Variants in SLC22A2 observed in about 807,000 individuals in gnomAD.
SLC22A2 encodes the protein organic cation transporter 2.
SLC22A2 carries 46 observed loss-of-function variants against 60.5 expected under a neutral mutation model. The observed-to-expected ratio is 0.76, with a 90% confidence interval of 0.60 to 0.97. The LOEUF is 0.97. Among genes scored for constraint, SLC22A2 ranks in the 50% least tolerant of loss-of-function variants. The pLI is 0.00. For synonymous variants in SLC22A2, 303 were observed against 267.0 expected (o/e 1.13, Z -1.31); for missense variants, 701 against 706.6 (o/e 0.99, Z 0.09).
intron 2 of SLC22A2, 152 bp from the exon 3 acceptor site, chr6:160,250,854 GA>G (rs1229781175): frequency 1.4e-6 from 1 of 737,210 alleles, no homozygotes; most frequent in Non-Finnish European, 2.2e-6. Context: ...GCCACAAAGG[GA>G]ATCTGTGACT....
chr6:160,251,638 G>T lies in SLC22A2; in HGVS notation c.519-936C>A, dbSNP rs373647931. Among the ~76,000 whole-genome samples, 4 of 152,136 alleles carry T rather than the reference G, an allele frequency of 2.6e-5. 1 individual carries two copies. Among genetic ancestry groups the T allele is most frequent in the African/African-American group, 9.6e-5 (4 of 41,488 alleles). ...TAAAAGACACCCTAATCCACTTAGT[G>T]GATATTTAAAAAAATTCTTCACAGA... On this transcript the variant is annotated intron_variant, in intron 2 of 10. Coordinates refer to ENST00000366953, the MANE Select transcript of SLC22A2 (RefSeq NM_003058.4).
At chr6:160,241,706 C>A in intron 8 of SLC22A2, 120 bp from the exon 9 acceptor site, 1 of 617,292 alleles carries the variant, frequency 1.6e-6, no homozygotes. Context: ...ATAGTGTACA[C>A]TGCTCAGGTG....
At position 160,239,865 on chromosome 6, in the gene SLC22A2, A is replaced by C. The variant is rs144079025; in HGVS notation, c.1501+1609T>G. 2.6e-5 allele frequency among the ~76,000 whole-genome samples: 4 copies of C among 152,284 alleles called. No individual in the cohort carries two copies. The East Asian group carries it at 7.7e-4, about 29-fold the overall frequency. On this transcript the variant is annotated intron_variant, in intron 9 of 10. Transcript: ENST00000366953. Reference sequence around the variant, plus strand: ...AATTCATTGCATCTGTTTTGCAGGTAAGTTCCATCAGTGGTTTGGAACTTT... The same window carrying C: ...AATTCATTGCATCTGTTTTGCAGGTCAGTTCCATCAGTGGTTTGGAACTTT...
chr6:160,250,393 A>G (rs1783162675), intron 3 of SLC22A2, 155 bp downstream of exon 3: 1 of 699,480 alleles, frequency 1.4e-6, no homozygotes, highest in South Asian at 1.7e-5. Context: ...GAATGAGTTG[A>G]TATGCTTTTA....
chr6:160,240,423 G>T (rs1275081638), intron 9 of SLC22A2, among the ~76,000 whole-genome samples: 2 of 152,166 alleles, frequency 1.3e-5, no homozygotes, highest in Non-Finnish European at 2.9e-5. Flanking sequence ...AACATTATCA[G>T]TGTGGAATCA....
At chr6:160,227,060 C>T (rs925353140) in intron 9 of SLC22A2, among the ~76,000 whole-genome samples, 1 of 152,122 alleles carries the variant, frequency 6.6e-6, no homozygotes, top group African/African-American at 2.4e-5. Context: ...TATTTCTTTG[C>T]CCTATTTTGA....
chr6:160,250,265 A>G (rs1783160724), intron 3 of SLC22A2, among the ~76,000 whole-genome samples: 1 of 152,176 alleles, frequency 6.6e-6, no homozygotes, highest in Non-Finnish European at 1.5e-5. Flanking sequence ...TTTTCTTTCC[A>G]CACAATACTC....
intron 9 of SLC22A2, among the ~76,000 whole-genome samples, chr6:160,234,420 T>C (rs1562433430): frequency 6.6e-6 from 1 of 152,174 alleles, no homozygotes; most frequent in Non-Finnish European, 1.5e-5. Context: ...AGTGTTACTG[T>C]AATGGGTGGG....
intron 1 of SLC22A2, chr6:160,257,707 T>G (rs1411224125): frequency 6.6e-6 from 1 of 152,232 alleles, no homozygotes; most frequent in African/African-American, 2.4e-5. Context: ...TTAATTCCCC[T>G]ATTTTGCTTT....
At chr6:160,236,055 A>G (rs571297775) in intron 9 of SLC22A2, among the ~76,000 whole-genome samples, 3 of 152,290 alleles carry the variant, frequency 2.0e-5, no homozygotes, top group Non-Finnish European at 4.4e-5. Context: ...TTATTTGTCA[A>G]TTGTGTTTTT....
rs1246313627 is a variant in SLC22A2, at chr6:160,258,769, C to T, written c.-12G>A. ...ACGGTGGTGGGCATGATCCTGCAGG[C>T]AGGAGGGCCCGAGGCTGCCCGACGT... is the stretch of plus-strand genomic sequence containing the variant. On this transcript the variant is annotated 5_prime_UTR_variant, in exon 1 of 11. Coordinates refer to ENST00000366953, the MANE Select transcript of SLC22A2 (RefSeq NM_003058.4). 26 of 1,530,196 alleles carry T rather than the reference C, an allele frequency of 1.7e-5. No homozygotes were observed. The highest frequency in any genetic ancestry group is 2.1e-5 in the Non-Finnish European group (24 of 1,137,654). 94.8% of individuals were successfully genotyped at this position (1,530,196 alleles called of 1,614,324 possible). A position where few individuals can be genotyped will look rare whatever the true frequency, so the allele number is the denominator to read the frequency against.
chr6:160,258,303 C>A, intron 1 of SLC22A2, 41 bp downstream of exon 1: 1 of 1,545,284 alleles, frequency 6.5e-7, no homozygotes, highest in Non-Finnish European at 8.7e-7. Context: ...AAAATCTCCA[C>A]CATTTGCTTC....
chr6:160,219,563 G>C (rs1782611763), intron 10 of SLC22A2, among the ~76,000 whole-genome samples: 1 of 150,914 alleles, frequency 6.6e-6, no homozygotes. Flanking sequence ...CTGATTGGCT[G>C]TGTGGTTTTG....
Position 160,217,424 on chromosome 6 carries a change from C to T in SLC22A2, c.*8G>A, listed in dbSNP as rs1360147139. ...GCTAGGTCATGACAGCAGCAACGGTCTCTCTTCTTAGTTCAATGGAATGTC... is the reference window on the plus strand; with the variant it reads ...GCTAGGTCATGACAGCAGCAACGGTTTCTCTTCTTAGTTCAATGGAATGTC... On this transcript the variant is annotated 3_prime_UTR_variant, in exon 11 of 11. Coordinates refer to ENST00000366953, the MANE Select transcript of SLC22A2 (RefSeq NM_003058.4). 1.3e-6 allele frequency: 2 copies of T among 1,582,998 alleles called. No individual in the cohort carries two copies. The highest frequency in any genetic ancestry group is 8.7e-7 in the Non-Finnish European group (1 of 1,153,722).
chr6:160,235,604 T>A (rs902279018), intron 9 of SLC22A2, among the ~76,000 whole-genome samples: 7 of 117,712 alleles, frequency 5.9e-5, no homozygotes, highest in Non-Finnish European at 1.1e-4. Context: ...ATTCTGTGTG[T>A]GAATATATTG....
At chr6:160,253,294 A>G (rs1424233436) in intron 2 of SLC22A2, among the ~76,000 whole-genome samples, 1 of 152,218 alleles carries the variant, frequency 6.6e-6, no homozygotes, top group African/African-American at 2.4e-5. Context: ...ATTATATGCA[A>G]CCCACGTTTA....
Position 160,230,244 on chromosome 6 carries a change from C to T in SLC22A2, c.1502-5440G>A, listed in dbSNP as rs567554314. On this transcript the variant is annotated intron_variant, in intron 9 of 10. Coordinates refer to ENST00000366953, the MANE Select transcript of SLC22A2 (RefSeq NM_003058.4). ...TCACACCCGGTCTGGTTTACAGTTT[C>T]GTTCCACAACTAGCCCTCCCCCACC... is the stretch of plus-strand genomic sequence containing the variant. Among the ~76,000 whole-genome samples the T allele has an allele frequency of 6.7e-4, 102 of 151,996 alleles. 2 individuals are homozygous for T. The highest frequency in any genetic ancestry group is 2.5e-3 in the East Asian group (13 of 5,186).
Position 160,258,349 on chromosome 6 carries a change from T to C in SLC22A2, c.409A>G (p.Thr137Ala). The change falls in exon 1 of 11, where the codon ACC becomes GCC. Residue 137 changes from threonine to alanine, a missense_variant. Physicochemically the swap from Thr to Ala is moderately conservative, Grantham distance 58 (BLOSUM62 0). Transcript: ENST00000366953. ...VYETPGSSIV[T>A]EFNLVCANSW... Reference sequence around the variant, plus strand: ...CCCTGAGCTCACTCTCTTACCTCGGTGACGATGGACGAGCCAGGCGTCTCG... The same window carrying C: ...CCCTGAGCTCACTCTCTTACCTCGGCGACGATGGACGAGCCAGGCGTCTCG... The C allele has an allele frequency of 6.2e-7, 1 of 1,606,670 alleles. No homozygotes were observed. The highest frequency in any genetic ancestry group is 8.5e-7 in the Non-Finnish European group (1 of 1,176,580).
Position 160,240,657 on chromosome 6 carries a change from C to T in SLC22A2, c.1501+817G>A, listed in dbSNP as rs540998924. Among the ~76,000 whole-genome samples, 3 of 152,254 alleles carry T rather than the reference C, an allele frequency of 2.0e-5. No individual in the cohort carries two copies. The South Asian group carries it at 6.2e-4, about 32-fold the overall frequency. On this transcript the variant is annotated intron_variant, in intron 9 of 10. Coordinates refer to ENST00000366953, the MANE Select transcript of SLC22A2 (RefSeq NM_003058.4). Reference sequence around the variant, plus strand: ...CTTTTGCATAAGGATTCTGGGGGTCCTGAGATTTTTAAATTTCCTTTCCCT... The same window carrying T: ...CTTTTGCATAAGGATTCTGGGGGTCTTGAGATTTTTAAATTTCCTTTCCCT...
Sources: allele counts gnomAD v4.1 joint callset (sites outside exome capture counted in the v4.1 genomes callset), GRCh38; gene constraint gnomAD v4.1.1; transcripts MANE v1.5; gene names NCBI Gene and HGNC (gene_info 2026-07-23, HGNC 2026-07-21).